Variants in SERPIND1 observed in about 807,000 individuals in gnomAD.
The protein encoded by SERPIND1 is serpin family D member 1.
Under a neutral mutation model 35.0 loss-of-function variants are expected in SERPIND1, and 34 were observed. The ratio of observed to expected loss-of-function variants is 0.97; its 90% confidence interval spans 0.74 to 1.29. SERPIND1 has a LOEUF of 1.29. SERPIND1 is among the 50% of genes most tolerant of loss of function. The pLI, the probability that SERPIND1 is intolerant of heterozygous loss-of-function variation, is 0.00. For missense variants in SERPIND1, 633 were observed against 637.7 expected, an observed-to-expected ratio of 0.99 and a Z score of 0.08; for synonymous variants, 236 against 241.1, an observed-to-expected ratio of 0.98 and a Z score of 0.19.
At chr22:20,785,533 G>A (rs1266071169) in intron 3 of SERPIND1, among the ~76,000 whole-genome samples, 3 of 152,118 alleles carry the variant, frequency 2.0e-5, no homozygotes, top group Non-Finnish European at 2.9e-5. Flanking sequence ...GTTGCTATCC[G>A]CCCCCTTAGG....
chr22:20,787,510 A>G lies in SERPIND1; in HGVS notation c.*444A>G, dbSNP rs1206536071. 1 of 256,136 alleles carries G rather than the reference A, an allele frequency of 3.9e-6. No homozygotes were observed. The allele number at this position is 256,136 out of a possible 1,614,324, so 15.9% of individuals were successfully genotyped here. ...CTCCCAAGGAGGGTACACAACTAGC[A>G]CCATTCTTGATGTCCAGGGAAGAAG... On this transcript the variant is annotated 3_prime_UTR_variant, in exon 5 of 5. Transcript: ENST00000215727.
Position 20,786,167 on chromosome 22 carries a change from A to C in SERPIND1, c.1308+19A>C, listed in dbSNP as rs1245445242. 1 of 1,612,884 alleles carries C rather than the reference A, an allele frequency of 6.2e-7. No homozygotes were observed. Among genetic ancestry groups the C allele is most frequent in the South Asian group, 1.1e-5 (1 of 91,014 alleles). On this transcript the variant is annotated intron_variant, in intron 4 of 4. Transcript: ENST00000215727. ...CGACCTGGTAACCACTCCCTTGTCC[A>C]CCCCCGACCCGTCCCCAGGGTCTGC...
intron 1 of SERPIND1, among the ~76,000 whole-genome samples, chr22:20,778,897 T>G (rs959910873): frequency 2.1e-4 from 32 of 152,172 alleles, no homozygotes; most frequent in African/African-American, 7.2e-4. Context: ...GTCTGTCCCA[T>G]CTGTCCCCTG....
At chr22:20,780,514 T>A (rs1403762784) in intron 2 of SERPIND1, among the ~76,000 whole-genome samples, 2 of 152,140 alleles carry the variant, frequency 1.3e-5, no homozygotes, top group Admixed American at 1.3e-4. Context: ...ACGCCTGTAA[T>A]CCCAGCACTT....
chr22:20,779,964 C>A lies in SERPIND1; in HGVS notation c.652C>A (p.Leu218Met). The A allele has an allele frequency of 6.2e-7, 1 of 1,614,216 alleles. No homozygotes were observed. Residue 218 changes from leucine (L) to methionine (M), a missense_variant, in exon 2 of 5, where the codon CTG becomes ATG. Leu to Met is a conservative substitution (Grantham distance 15). Coordinates refer to ENST00000215727, the MANE Select transcript of SERPIND1 (RefSeq NM_000185.4). The part of the protein sequence containing the change: ...RLFRRNFGYT[L>M]RSVNDLYIQK... ...CTTCAGGAGGAATTTTGGGTACACA[C>A]TGCGGTCAGTCAATGACCTTTATAT...
chr22:20,780,146 G>A lies in SERPIND1; in HGVS notation c.834G>A (p.Leu278=), dbSNP rs1342593244. The change falls in exon 2 of 5, where the codon CTG becomes CTA. Residue 278 remains leucine, a synonymous_variant. Transcript: ENST00000215727. ...CCAAGGGCCTCATAAAAGATGCTCT[G>A]GAGAATATAGACCCTGCTACCCAGA... ...KLTKGLIKDA[L]ENIDPATQMM... 5.6e-6 allele frequency: 9 copies of A among 1,614,178 alleles called. No homozygotes were observed. The highest frequency in any genetic ancestry group is 7.6e-6 in the Non-Finnish European group (9 of 1,180,022).
At chr22:20,776,136 A>C (rs951352439) in intron 1 of SERPIND1, among the ~76,000 whole-genome samples, 1 of 152,156 alleles carries the variant, frequency 6.6e-6, no homozygotes, top group Non-Finnish European at 1.5e-5. Context: ...TGTCTGGGCA[A>C]CATGGTAAAA....
In SERPIND1 at chr22:20,774,484, C is replaced by T. The variant is rs185352728; in HGVS notation, c.-17+339C>T. Among the ~76,000 whole-genome samples, 336 of 152,240 alleles carry T rather than the reference C, an allele frequency of 2.2e-3. 1 individual carries two copies. Among genetic ancestry groups the T allele is most frequent in the African/African-American group, 8.0e-3 (332 of 41,538 alleles). The stretch of plus-strand genomic sequence containing the variant: ...TATTAGTATTAAAGGTTAGAGGGGC[C>T]GGGTGCAGTGGCTCACGCCTGTAAT... On this transcript the variant is annotated intron_variant, in intron 1 of 4. Coordinates refer to ENST00000215727, the MANE Select transcript of SERPIND1 (RefSeq NM_000185.4).
intron 1 of SERPIND1, among the ~76,000 whole-genome samples, chr22:20,776,831 T>A (rs1395454138): frequency 2.0e-5 from 3 of 152,132 alleles, no homozygotes. Flanking sequence ...GAGGCCATTA[T>A]CAACATTAAC....
chr22:20,785,928 C>A, intron 3 of SERPIND1, 76 bp from the exon 4 acceptor site: 1 of 1,595,404 alleles, frequency 6.3e-7, no homozygotes, highest in Non-Finnish European at 8.6e-7. Context: ...ACCCGTGGCC[C>A]TTTAAAGGGA....
chr22:20,777,101 G>A (rs1933354787), intron 1 of SERPIND1, among the ~76,000 whole-genome samples: 2 of 152,070 alleles, frequency 1.3e-5, no homozygotes, highest in East Asian at 3.9e-4. Context: ...CCAGGTTGGA[G>A]TGCAGTAGTG....
At chr22:20,777,243 T>A (rs1199892525) in intron 1 of SERPIND1, among the ~76,000 whole-genome samples, 4 of 149,812 alleles carry the variant, frequency 2.7e-5, no homozygotes, top group Non-Finnish European at 5.9e-5. Flanking sequence ...TGAGACGGAG[T>A]TTCGCTCTTT....
At chr22:20,783,335 G>A (rs1206368690) in intron 2 of SERPIND1, among the ~76,000 whole-genome samples, 1 of 151,874 alleles carries the variant, frequency 6.6e-6, no homozygotes, top group Admixed American at 6.6e-5. Context: ...GGTGGCTCAT[G>A]CCTATAATCC....
At chr22:20,780,758 AGAGT>A (rs1933719193) in intron 2 of SERPIND1, among the ~76,000 whole-genome samples, 2 of 124,940 alleles carry the variant, frequency 1.6e-5, no homozygotes, top group South Asian at 5.1e-4. Context: ...CCTGGACGAC[AGAGT>A]GAGACTCCAT....
intron 1 of SERPIND1, among the ~76,000 whole-genome samples, chr22:20,776,979 ATATC>A (rs920508262): frequency 6.6e-5 from 10 of 152,136 alleles, no homozygotes; most frequent in African/African-American, 2.4e-4. Flanking sequence ...TGGGCCTCAA[ATATC>A]TATCTAATAG....
chr22:20,778,796 C>T (rs1933510385), intron 1 of SERPIND1, among the ~76,000 whole-genome samples: 1 of 152,146 alleles, frequency 6.6e-6, no homozygotes, highest in African/African-American at 2.4e-5. Flanking sequence ...CTGGGCACTT[C>T]CACTCCTACC....
intron 1 of SERPIND1, among the ~76,000 whole-genome samples, chr22:20,775,879 C>T (rs764706027): frequency 2.1e-4 from 32 of 152,118 alleles, no homozygotes; most frequent in Non-Finnish European, 4.1e-4. Flanking sequence ...CTACCAGCTG[C>T]TTACTTTCTT....
Position 20,779,439 on chromosome 22 carries a change from G to C in SERPIND1, c.127G>C (p.Glu43Gln), listed in dbSNP as rs761487740. The change falls in exon 2 of 5, where the codon GAG (glutamate) becomes CAG (glutamine). Residue 43 changes from glutamate (E) to glutamine (Q), a missense_variant. Coordinates refer to ENST00000215727, the MANE Select transcript of SERPIND1 (RefSeq NM_000185.4). ...ETAQSADPQW[E>Q]QLNNKNLSMP... ...TGCTCAGTCTGCAGATCCCCAGTGGGAGCAGTTAAATAACAAAAACCTGAG... is the reference window on the plus strand; with the variant it reads ...TGCTCAGTCTGCAGATCCCCAGTGGCAGCAGTTAAATAACAAAAACCTGAG... The C allele has an allele frequency of 6.2e-7, 1 of 1,614,082 alleles. No homozygotes were observed. Among genetic ancestry groups the C allele is most frequent in the Admixed American group, 1.7e-5 (1 of 59,998 alleles).
At chr22:20,777,652 G>T (rs1010952492) in intron 1 of SERPIND1, among the ~76,000 whole-genome samples, 4 of 152,178 alleles carry the variant, frequency 2.6e-5, no homozygotes, top group African/African-American at 9.7e-5. Context: ...GCGCCTGGCC[G>T]GCAGTTCTTT....
Sources: gnomAD v4.1 joint callset for allele counts (sites outside exome capture counted in the v4.1 genomes callset) on GRCh38, gnomAD v4.1.1 for gene constraint, MANE v1.5 for transcripts, NCBI Gene and HGNC (gene_info 2026-07-23, HGNC 2026-07-21) for gene names.